Variants in EMG1 observed in about 807,000 individuals in gnomAD.
EMG1 encodes ribosomal RNA small subunit methyltransferase NEP1.
EMG1 carries 24 observed loss-of-function variants against 26.9 expected under a neutral mutation model. The observed-to-expected ratio is 0.89, with a 90% CI of 0.65 to 1.26. The LOEUF is 1.26. Ranked by LOEUF, EMG1 falls within the 50% of genes most tolerant of loss-of-function variation. EMG1 has a pLI of 0.00. For synonymous variants in EMG1, 140 were observed against 112.6 expected (o/e 1.24, Z -1.54); for missense variants, 299 against 307.6 (o/e 0.97, Z 0.21).
In EMG1 at chr12:6,977,531, G is replaced by A. The variant is rs1478029098; in HGVS notation, c.*1722G>A. ...TCTTGAATGAGCCTGGCAGCCTGGG[G>A]AGGGAGGAGGAGCTCATCAGCATCT... On this transcript the variant is annotated 3_prime_UTR_variant, in exon 6 of 6. Coordinates refer to ENST00000599672, the MANE Select transcript of EMG1 (RefSeq NM_006331.8). The surrounding 1 kb of genome is among the most constrained non-coding windows in gnomAD (Gnocchi z 4.5). 2.5e-6 allele frequency: 4 copies of A among 1,614,074 alleles called. No homozygotes were observed. Among genetic ancestry groups the A allele is most frequent in the Non-Finnish European group, 2.5e-6 (3 of 1,180,040 alleles).
intron 7 of EMG1, among the ~76,000 whole-genome samples, chr12:6,994,050 C>T (rs955390161): frequency 2.0e-5 from 3 of 152,198 alleles, no homozygotes; most frequent in Non-Finnish European, 4.4e-5. Flanking sequence ...TTGCCTAGGC[C>T]GGTCTTGAAC....
chr12:6,974,147 A>G (rs782011047), intron 1 of EMG1, among the ~76,000 whole-genome samples, 192 bp from the exon 2 acceptor site: 5 of 152,296 alleles, frequency 3.3e-5, no homozygotes, highest in South Asian at 2.1e-4. Flanking sequence ...GCTGCACAGT[A>G]ATCCCCCGAA....
rs1555153636 is a variant in EMG1, at chr12:6,978,576, G to A, written c.*2767G>A. 1 of 1,613,876 alleles carries A rather than the reference G, an allele frequency of 6.2e-7. No individual in the cohort carries two copies. The highest frequency in any genetic ancestry group is 2.2e-5 in the East Asian group (1 of 44,886). ...CTGGCCCCCATGGCTTGTCTAAATA[G>A]GACCTTGTTTCAACTTTTCTACTTA... On this transcript the variant is annotated 3_prime_UTR_variant, in exon 6 of 6. Transcript: ENST00000599672.
At position 6,977,899 on chromosome 12, in the gene EMG1, A is replaced by G. The variant is rs2138327416; in HGVS notation, c.*2090A>G. On this transcript the variant is annotated 3_prime_UTR_variant, in exon 6 of 6. Transcript: ENST00000599672. The surrounding 1 kb of genome is among the most constrained non-coding windows in gnomAD (Gnocchi z 4.5). ...GTACAGGAGGCAGTGCTGACTGATT[A>G]CTTTTAGAGATGGAAAGCAGACCCA... The G allele has an allele frequency of 1.2e-6, 1 of 848,678 alleles. No individual in the cohort carries two copies. The highest frequency in any genetic ancestry group is 1.8e-6 in the Non-Finnish European group (1 of 544,680). The allele number at this position is 848,678 out of a possible 1,614,324, so 52.6% of individuals were successfully genotyped here.
chr12:6,985,485 G>A (rs1410316433), intron 6 of EMG1, among the ~76,000 whole-genome samples: 2 of 151,920 alleles, frequency 1.3e-5, no homozygotes, highest in African/African-American at 4.8e-5. Flanking sequence ...AGGCTGAGGT[G>A]GGTGGATCAC....
chr12:6,981,076 TG>T, downstream of EMG1: 1 of 1,613,998 alleles, frequency 6.2e-7, no homozygotes, highest in Non-Finnish European at 8.5e-7. Context: ...CATTGAGAAC[TG>T]GGGCCCTACC....
chr12:6,979,662 G>A lies in EMG1; in HGVS notation c.*3853G>A. ...CTCTGACCTTCAGTTATGGAGAGGA[G>A]TGTTTAGGGGTGTGGTTGTCTACCT... On this transcript the variant is annotated 3_prime_UTR_variant, in exon 6 of 6. Transcript: ENST00000599672. 1 of 900,880 alleles carries A rather than the reference G, an allele frequency of 1.1e-6. No individual in the cohort carries two copies. Among genetic ancestry groups the A allele is most frequent in the Non-Finnish European group, 1.8e-6 (1 of 550,096 alleles). 55.8% of individuals were successfully genotyped at this position (900,880 alleles called of 1,614,324 possible).
chr12:6,984,132 T>C (rs1555154509), downstream of EMG1, among the ~76,000 whole-genome samples: 1 of 152,222 alleles, frequency 6.6e-6, no homozygotes, highest in African/African-American at 2.4e-5. Flanking sequence ...GCTGACTGCA[T>C]ATATAGCAGT....
rs781849264 is a variant in EMG1 at position 6,987,097 on chromosome 12, G to A, written c.*155-685G>A. Among the ~76,000 whole-genome samples, 1 of 150,222 alleles carries A rather than the reference G, an allele frequency of 6.7e-6. No individual in the cohort carries two copies. The highest frequency in any genetic ancestry group is 2.5e-5 in the African/African-American group (1 of 39,856). ...CATTGCACTCCAGCTTGGGCAACGA[G>A]CAAGATTCTGTCTCAAAAAAAAAAG... On this transcript the variant is annotated intron_variant and NMD_transcript_variant, in intron 6 of 7. Coordinates refer to the EMG1 transcript ENST00000261406. The surrounding 1 kb of genome is among the most constrained non-coding windows in gnomAD (Gnocchi z 4.1).
downstream of EMG1, among the ~76,000 whole-genome samples, chr12:6,984,151 A>G (rs1394176462): frequency 3.3e-5 from 5 of 152,244 alleles, no homozygotes; most frequent in East Asian, 3.8e-4. Flanking sequence ...GTTACAAGTT[A>G]TGTGGAGATA....
intron 5 of EMG1, 83 bp downstream of exon 5, chr12:6,975,461 G>A: frequency 7.2e-7 from 1 of 1,394,918 alleles, no homozygotes; most frequent in Non-Finnish European, 9.7e-7. Flanking sequence ...TTTTAACAAT[G>A]CTTACAATGA....
At chr12:6,995,987 C>A (rs1314294983) in intron 7 of EMG1, among the ~76,000 whole-genome samples, 3 of 152,130 alleles carry the variant, frequency 2.0e-5, no homozygotes, top group African/African-American at 7.2e-5. Flanking sequence ...CTTAATGAAG[C>A]ATCTAGAGGG....
downstream of EMG1, chr12:6,982,559 G>T: frequency 1.4e-6 from 1 of 720,914 alleles, no homozygotes; most frequent in South Asian, 1.7e-5. Flanking sequence ...ACTGCTAAGT[G>T]CTGGGAGAGG....
downstream of EMG1, among the ~76,000 whole-genome samples, chr12:6,991,540 C>G (rs1391773797): frequency 1.3e-5 from 2 of 152,134 alleles, no homozygotes; most frequent in African/African-American, 2.4e-5. Flanking sequence ...GCAGAAAAGT[C>G]TGTATATATT....
chr12:6,971,160 G>A lies in EMG1; in HGVS notation c.168+69G>A. 16 of 1,307,520 alleles carry A rather than the reference G, an allele frequency of 1.2e-5. No homozygotes were observed. In the South Asian group the frequency reaches 1.8e-4, roughly 14 times the overall value. The allele number at this position is 1,307,520 out of a possible 1,614,324, so 81.0% of individuals were successfully genotyped here. The stretch of plus-strand genomic sequence containing the variant: ...GGGACTCCGTGGAATGAGGGTAAGG[G>A]GCCCAGAGTGGATGTAGAAAGCAGA... On this transcript the variant is annotated intron_variant, in intron 1 of 5. Coordinates refer to ENST00000599672, the MANE Select transcript of EMG1 (RefSeq NM_006331.8).
At chr12:6,974,317 C>T (rs200644475) in intron 1 of EMG1, 22 bp from the exon 2 acceptor site, 604 of 1,555,516 alleles carry the variant, frequency 3.9e-4, no homozygotes, top group Non-Finnish European at 5.0e-4. Flanking sequence ...GCTGTTCTCT[C>T]GTCATGTTCC....
downstream of EMG1, chr12:6,982,828 C>T (rs375330408): frequency 3.3e-5 from 41 of 1,245,356 alleles, 1 homozygote; most frequent in Middle Eastern, 1.9e-4. Flanking sequence ...ACACTCCCAC[C>T]GTCCTGAGAC....
At chr12:6,982,597 A>T, downstream of EMG1, 2 of 1,079,592 alleles carry the variant, frequency 1.9e-6, no homozygotes, top group South Asian at 1.3e-5. Flanking sequence ...GCTAATTTCT[A>T]TACCACAGTC....
chr12:6,978,752 T>A lies in EMG1; in HGVS notation c.*2943T>A. The stretch of plus-strand genomic sequence containing the variant: ...ATGACTAGGCAGTTTCTCTCAGCAC[T>A]CTTCCTTTTCACACTTGTGGCTGGC... On this transcript the variant is annotated 3_prime_UTR_variant, in exon 6 of 6. Coordinates refer to ENST00000599672, the MANE Select transcript of EMG1 (RefSeq NM_006331.8). 6.3e-7 allele frequency: 1 copy of A among 1,585,686 alleles called. No homozygotes were observed. The highest frequency in any genetic ancestry group is 8.6e-7 in the Non-Finnish European group (1 of 1,164,126).
Sources: gnomAD v4.1 joint callset for allele counts (sites outside exome capture counted in the v4.1 genomes callset) on GRCh38, gnomAD v4.1.1 for gene constraint, Gnocchi (gnomAD v3.1) non-coding constraint, MANE v1.5 for transcripts, NCBI Gene and HGNC (gene_info 2026-07-23, HGNC 2026-07-21) for gene names.